Variants in TMEM266 observed in about 807,000 individuals in gnomAD.
TMEM266 encodes the protein transmembrane protein 266.
A neutral mutation model predicts 50.5 loss-of-function variants in TMEM266; 33 were observed. That is an observed-to-expected ratio of 0.65 (90% confidence interval 0.50 to 0.87). The LOEUF is 0.87. Among genes scored for constraint, TMEM266 ranks in the 40% least tolerant of loss-of-function variants. The probability of loss-of-function intolerance (pLI) is 0.00; values close to 1 mark genes in which losing one functional copy is unlikely to be tolerated. For missense variants in TMEM266, 655 were observed against 695.1 expected (o/e 0.94, Z 0.65); for synonymous variants, 310 against 292.3 (o/e 1.06, Z -0.62).
intron 1 of TMEM266, among the ~76,000 whole-genome samples, chr15:76,103,330 C>T (rs1257089599): frequency 7.2e-6 from 1 of 139,130 alleles, no homozygotes; most frequent in African/African-American, 2.8e-5. Flanking sequence ...TCTCAAAACC[C>T]CATCTCTGCC....
chr15:76,142,575 C>T (rs1457807793), intron 3 of TMEM266, among the ~76,000 whole-genome samples: 1 of 152,170 alleles, frequency 6.6e-6, no homozygotes, highest in African/African-American at 2.4e-5. Context: ...GTGATATCTC[C>T]TTGTCTTCAC....
At chr15:76,097,268 T>G (rs1019513903) in intron 1 of TMEM266, among the ~76,000 whole-genome samples, 4 of 152,076 alleles carry the variant, frequency 2.6e-5, no homozygotes, top group African/African-American at 9.7e-5. Flanking sequence ...TTCCTTTCCA[T>G]GTTTAGTGCT....
At chr15:76,143,823 CTTAAA>C (rs1176319102) in intron 3 of TMEM266, among the ~76,000 whole-genome samples, 2 of 152,196 alleles carry the variant, frequency 1.3e-5, no homozygotes, top group African/African-American at 2.4e-5. Flanking sequence ...ATTCCTATTA[CTTAAA>C]TTAATCTCCT....
chr15:76,067,633 A>G (rs1596081041), intron 1 of TMEM266, among the ~76,000 whole-genome samples: 1 of 52,764 alleles, frequency 1.9e-5, no homozygotes, highest in African/African-American at 5.5e-5. Context: ...GCTGCGTCTC[A>G]AAAAAAAAAA....
chr15:76,145,828 G>C (rs117545653), intron 3 of TMEM266, among the ~76,000 whole-genome samples: 1,735 of 152,350 alleles, frequency 0.011, 18 homozygotes, highest in Non-Finnish European at 0.019. Context: ...AGTTGGACCA[G>C]TGTCCATTGT....
chr15:76,174,731 C>A (rs1313501841), intron 7 of TMEM266, among the ~76,000 whole-genome samples: 1 of 152,136 alleles, frequency 6.6e-6, no homozygotes. Context: ...TATAGAGTTG[C>A]CTGTTCTGTT....
intron 8 of TMEM266, chr15:76,181,311 C>T (rs1341528650): frequency 6.6e-6 from 1 of 152,242 alleles, no homozygotes; most frequent in East Asian, 1.9e-4. Flanking sequence ...CTGCTTCCCT[C>T]ATTCCTATGA....
At chr15:76,108,844 T>TG (rs2037125360) in intron 1 of TMEM266, among the ~76,000 whole-genome samples, 1 of 152,092 alleles carries the variant, frequency 6.6e-6, no homozygotes, top group South Asian at 2.1e-4. Context: ...AACTTAAGTG[T>TG]GGGGGAGATT....
intron 1 of TMEM266, among the ~76,000 whole-genome samples, chr15:76,102,891 A>G (rs2037023922): frequency 6.6e-6 from 1 of 151,176 alleles, no homozygotes; most frequent in African/African-American, 2.4e-5. Flanking sequence ...AGGTTAACAC[A>G]GAGGAAAGAG....
intron 5 of TMEM266, among the ~76,000 whole-genome samples, chr15:76,167,790 C>T (rs1301546779): frequency 2.0e-5 from 3 of 152,074 alleles, no homozygotes; most frequent in African/African-American, 4.8e-5. Context: ...TGTGAGCCAT[C>T]GCGCCTGCTT....
intron 1 of TMEM266, among the ~76,000 whole-genome samples, chr15:76,082,135 G>A (rs1157902631): frequency 6.6e-6 from 1 of 152,122 alleles, no homozygotes; most frequent in African/African-American, 2.4e-5. Context: ...CCACAACCCT[G>A]TAGCCTGCTC....
At chr15:76,113,237 C>T (rs1220594853) in intron 1 of TMEM266, 8 of 152,178 alleles carry the variant, frequency 5.3e-5, no homozygotes, top group African/African-American at 1.7e-4. Context: ...TCGCTTGAAC[C>T]TGGGAGGCGG....
chr15:76,192,885 C>T (rs2038602750), intron 9 of TMEM266, among the ~76,000 whole-genome samples: 1 of 152,206 alleles, frequency 6.6e-6, no homozygotes, highest in Admixed American at 6.5e-5. Context: ...GGGAATTGCA[C>T]GGGGCCACCC....
chr15:76,189,763 C>T (rs1301533119), intron 8 of TMEM266, among the ~76,000 whole-genome samples: 1 of 152,182 alleles, frequency 6.6e-6, no homozygotes, highest in Non-Finnish European at 1.5e-5. Context: ...AACCAGGGGG[C>T]TCTGCATGTG....
intron 1 of TMEM266, among the ~76,000 whole-genome samples, chr15:76,086,026 C>A (rs1008915526): frequency 7.0e-6 from 1 of 143,290 alleles, no homozygotes; most frequent in Admixed American, 7.3e-5. Context: ...CCAGCCTGGG[C>A]GATGAGAGCG....
chr15:76,157,339 A>G (rs2037943183), intron 4 of TMEM266, among the ~76,000 whole-genome samples: 1 of 152,200 alleles, frequency 6.6e-6, no homozygotes, highest in Admixed American at 6.5e-5. Context: ...GACGAGGCAA[A>G]TTAAGATTTG....
Position 76,134,242 on chromosome 15 carries a change from C to CTA in TMEM266, c.-22_-21insTA. 1.2e-6 allele frequency: 2 copies of CTA among 1,613,680 alleles called. No homozygotes were observed. Among genetic ancestry groups the CTA allele is most frequent in the Non-Finnish European group, 1.7e-6 (2 of 1,179,644 alleles). On this transcript the variant is annotated 5_prime_UTR_variant, in exon 2 of 11. An upstream open reading frame in the 5' UTR loses its in-frame stop. Transcript: ENST00000388942. ...CAGCAGGCTTCAGGACAGCTGAGCC[C>CTA]CACTAAACACCAAGAAAACCCATGG...
chr15:76,075,955 G>A lies in TMEM266; in HGVS notation c.-97+15939G>A, dbSNP rs181096711. ...CGCTGCTGCAGCCTCCATCTTCCAGGACCAAGCAATCCTCCCTCAACCCCC... is the reference window on the plus strand; with the variant it reads ...CGCTGCTGCAGCCTCCATCTTCCAGAACCAAGCAATCCTCCCTCAACCCCC... On this transcript the variant is annotated intron_variant, in intron 1 of 10. Transcript: ENST00000388942. Among the ~76,000 whole-genome samples the A allele has an allele frequency of 1.0e-3, 142 of 140,384 alleles. 1 individual carries two copies. Among genetic ancestry groups the A allele is most frequent in the Admixed American group, 1.5e-3 (20 of 12,954 alleles). The allele number at this position is 140,384 out of a possible 152,430, so 92.1% of individuals were successfully genotyped here.
intron 3 of TMEM266, among the ~76,000 whole-genome samples, chr15:76,155,965 T>C: frequency 6.6e-6 from 1 of 152,246 alleles, no homozygotes; most frequent in East Asian, 1.9e-4. Context: ...CACGCTGCAC[T>C]TGCCACATAG....
Sources: gnomAD v4.1 joint callset for allele counts (sites outside exome capture counted in the v4.1 genomes callset) on GRCh38, gnomAD v4.1.1 for gene constraint, MANE v1.5 for transcripts, NCBI Gene and HGNC (gene_info 2026-07-23, HGNC 2026-07-21) for gene names.